HDGFL3: variants seen among roughly 807,000 people sequenced by gnomAD.
The protein encoded by HDGFL3 is hepatoma-derived growth factor-related protein 3.
In HDGFL3, 6 loss-of-function variants were observed where a neutral mutation model predicts 27.6. That is an observed-to-expected ratio of 0.22 (90% confidence interval 0.12 to 0.43). The LOEUF is 0.43. Among genes scored for constraint, HDGFL3 ranks in the 20% least tolerant of loss-of-function variants. The probability of loss-of-function intolerance (pLI) is 1.00; values close to 1 mark genes in which losing one functional copy is unlikely to be tolerated. For synonymous variants in HDGFL3, 88 were observed against 88.9 expected, an observed-to-expected ratio of 0.99 and a Z score of 0.05; for missense variants, 207 against 250.1, an observed-to-expected ratio of 0.83 and a Z score of 1.16.
chr15:83,157,892 T>TAAA lies in HDGFL3; in HGVS notation c.300+8_300+10dup. ...TGAGATATAGCAAGTGACAAGGAAGTAAACCATTACCTGGTAGCCAGTAAA... is the reference window on the plus strand; with the variant it reads ...TGAGATATAGCAAGTGACAAGGAAGTAAAAAACCATTACCTGGTAGCCAGTAAA... On this transcript the variant is annotated intron_variant, in intron 3 of 5. Transcript: ENST00000299633. The TAAA allele has an allele frequency of 1.2e-6, 2 of 1,608,970 alleles. No homozygotes were observed. Among genetic ancestry groups the TAAA allele is most frequent in the Non-Finnish European group, 1.7e-6 (2 of 1,177,908 alleles).
chr15:83,121,830 T>G (rs950514559), intron 3 of HDGFL3: 16 of 937,088 alleles, frequency 1.7e-5, no homozygotes, highest in Non-Finnish European at 2.0e-5. Flanking sequence ...CTTTACTAGT[T>G]TGAATACAAA....
chr15:83,196,075 G>A (rs1388510551), intron 1 of HDGFL3, among the ~76,000 whole-genome samples: 26 of 151,850 alleles, frequency 1.7e-4, no homozygotes. Context: ...AAAAGGGACA[G>A]ATATGTAGAA....
intron 5 of HDGFL3, among the ~76,000 whole-genome samples, chr15:83,150,961 C>G (rs1327686611): frequency 6.6e-6 from 1 of 152,092 alleles, no homozygotes; most frequent in Non-Finnish European, 1.5e-5. Context: ...TAAAAAGACT[C>G]TAAAGTTAGT....
intron 3 of HDGFL3, chr15:83,115,861 AT>A (rs1477885369): frequency 6.2e-7 from 1 of 1,613,966 alleles, no homozygotes; most frequent in Admixed American, 1.7e-5. Flanking sequence ...CAGTTTTTGG[AT>A]TTACCAGCGT....
intron 1 of HDGFL3, among the ~76,000 whole-genome samples, chr15:83,181,192 G>C (rs539715380): frequency 4.6e-5 from 7 of 152,158 alleles, no homozygotes; most frequent in Admixed American, 1.3e-4. Context: ...GATATACCTA[G>C]AACTTAGTGC....
At chr15:83,124,466 T>A (rs2035551997), downstream of HDGFL3, among the ~76,000 whole-genome samples, 1 of 152,154 alleles carries the variant, frequency 6.6e-6, no homozygotes, top group Non-Finnish European at 1.5e-5. Flanking sequence ...GAGAGATCAT[T>A]TAGCCCAAAT....
In HDGFL3 at chr15:83,136,474, G is replaced by A; in HGVS notation, c.*2796C>T. On this transcript the variant is annotated 3_prime_UTR_variant, in exon 6 of 6. Transcript: ENST00000299633. ...CTTACTCAATTTTTTTTTTTTAAATGCAACAGGCTCAGTTTTCTCACATTG... is the reference window on the plus strand; with the variant it reads ...CTTACTCAATTTTTTTTTTTTAAATACAACAGGCTCAGTTTTCTCACATTG... 6.4e-7 allele frequency: 1 copy of A among 1,563,160 alleles called. No homozygotes were observed. The highest frequency in any genetic ancestry group is 8.6e-7 in the Non-Finnish European group (1 of 1,160,954).
chr15:83,133,557 T>A lies in HDGFL3; in HGVS notation c.*5713A>T. On this transcript the variant is annotated 3_prime_UTR_variant, in exon 6 of 6. Coordinates refer to ENST00000299633, the MANE Select transcript of HDGFL3 (RefSeq NM_016073.4). ...TAGAATGAAGTGGAAGAAAAATTATTAGGGACTCAACCTCACATTGCTAAA... is the reference window on the plus strand; with the variant it reads ...TAGAATGAAGTGGAAGAAAAATTATAAGGGACTCAACCTCACATTGCTAAA... 1 of 152,350 alleles carries A rather than the reference T, an allele frequency of 6.6e-6. No individual in the cohort carries two copies. The highest frequency in any genetic ancestry group is 1.5e-5 in the Non-Finnish European group (1 of 68,036). 9.4% of individuals were successfully genotyped at this position (152,350 alleles called of 1,614,324 possible).
chr15:83,181,723 G>A lies in HDGFL3; in HGVS notation c.85-17648C>T, dbSNP rs142979395. On this transcript the variant is annotated intron_variant, in intron 1 of 5. Coordinates refer to ENST00000299633, the MANE Select transcript of HDGFL3 (RefSeq NM_016073.4). ...ACGCCTGACCCCAAGTGATCTGCCC[G>A]CCTCAGCCTCCTGAAGTACTGGGAT... Among the ~76,000 whole-genome samples the A allele has an allele frequency of 3.5e-3, 530 of 152,240 alleles. 1 individual carries two copies. The highest frequency in any genetic ancestry group is 5.2e-3 in the Non-Finnish European group (355 of 67,992).
At position 83,136,907 on chromosome 15, in the gene HDGFL3, CTT is replaced by C. The variant is rs1266922321; in HGVS notation, c.*2361_*2362del. On this transcript the variant is annotated 3_prime_UTR_variant, in exon 6 of 6. Transcript: ENST00000299633. ...ATATTCAAAATCATTTGTGAATAAA[CTT>C]GATCATCCATCTCAATATTGTTTGA... The C allele has an allele frequency of 3.0e-6, 1 of 328,536 alleles. No individual in the cohort carries two copies. The highest frequency in any genetic ancestry group is 5.5e-6 in the Non-Finnish European group (1 of 180,386). 20.4% of individuals were successfully genotyped at this position (328,536 alleles called of 1,614,324 possible).
chr15:83,204,490 G>A (rs1014719606), intron 1 of HDGFL3, among the ~76,000 whole-genome samples: 1 of 152,140 alleles, frequency 6.6e-6, no homozygotes, highest in African/African-American at 2.4e-5. Context: ...ATGAACAGAT[G>A]CATGAAAGAG....
downstream of HDGFL3, chr15:83,126,945 C>T (rs532670338): frequency 2.2e-6 from 2 of 928,874 alleles, no homozygotes; most frequent in South Asian, 3.1e-5. Flanking sequence ...GTAATCCCAG[C>T]ACTTTGGGAG....
Position 83,138,589 on chromosome 15 carries a change from G to GA in HDGFL3, c.*680dup, listed in dbSNP as rs2036702978. On this transcript the variant is annotated 3_prime_UTR_variant, in exon 6 of 6. Coordinates refer to ENST00000299633, the MANE Select transcript of HDGFL3 (RefSeq NM_016073.4). ...TAGCTCAAAATTGTATTGGCACTGG[G>GA]AAAAAAATAAATCATTGCCTTTATT... The GA allele has an allele frequency of 6.6e-6, 1 of 152,378 alleles. No individual in the cohort carries two copies. Among genetic ancestry groups the GA allele is most frequent in the Admixed American group, 6.6e-5 (1 of 15,254 alleles). 9.4% of individuals were successfully genotyped at this position (152,378 alleles called of 1,614,324 possible). A position where few individuals can be genotyped will look rare whatever the true frequency, so the allele number is the denominator to read the frequency against.
chr15:83,160,624 G>A (rs1303708045), intron 2 of HDGFL3, among the ~76,000 whole-genome samples: 1 of 152,194 alleles, frequency 6.6e-6, no homozygotes, highest in Non-Finnish European at 1.5e-5. Context: ...ACATCCAAGT[G>A]GAGATGTCAG....
chr15:83,206,217 G>T (rs1386158821), intron 1 of HDGFL3, among the ~76,000 whole-genome samples: 2 of 152,112 alleles, frequency 1.3e-5, no homozygotes, highest in African/African-American at 2.4e-5. Context: ...TTTTGTGAAT[G>T]GGTGTATTTT....
At chr15:83,119,439 C>T in intron 3 of HDGFL3, 1 of 910,644 alleles carries the variant, frequency 1.1e-6, no homozygotes, top group Non-Finnish European at 1.7e-6. Flanking sequence ...CATGTTCCTA[C>T]CAATTTTGAA....
chr15:83,183,467 A>G (rs1047865566), intron 1 of HDGFL3, among the ~76,000 whole-genome samples: 9 of 152,164 alleles, frequency 5.9e-5, no homozygotes, highest in African/African-American at 2.2e-4. Context: ...GATTGAATAT[A>G]AAGAGCACCT....
Position 83,136,448 on chromosome 15 carries a change from G to A in HDGFL3, c.*2822C>T. On this transcript the variant is annotated 3_prime_UTR_variant, in exon 6 of 6. Coordinates refer to ENST00000299633, the MANE Select transcript of HDGFL3 (RefSeq NM_016073.4). ...ATGCATCCAACTGAACACGTTTCAT[G>A]CTTACTCAATTTTTTTTTTTTAAAT... The A allele has an allele frequency of 5.2e-6, 8 of 1,539,376 alleles. No individual in the cohort carries two copies. Among genetic ancestry groups the A allele is most frequent in the Non-Finnish European group, 7.0e-6 (8 of 1,142,422 alleles).
intron 1 of HDGFL3, among the ~76,000 whole-genome samples, chr15:83,175,855 G>A (rs1481689902): frequency 6.6e-6 from 1 of 152,030 alleles, no homozygotes; most frequent in Non-Finnish European, 1.5e-5. Context: ...GCGAGACTTC[G>A]TCTCAAAAAC....
Sources: gnomAD v4.1 joint callset for allele counts (sites outside exome capture counted in the v4.1 genomes callset) on GRCh38, gnomAD v4.1.1 for gene constraint, MANE v1.5 for transcripts, NCBI Gene and HGNC (gene_info 2026-07-23, HGNC 2026-07-21) for gene names.